EYS: variants seen among roughly 807,000 people sequenced by gnomAD.
EYS encodes the protein protein eyes shut homolog.
In EYS, 250 loss-of-function variants were observed where a neutral mutation model predicts 282.1. The ratio of observed to expected loss-of-function variants is 0.89; its 90% confidence interval spans 0.80 to 0.98. The LOEUF is 0.98. EYS is among the 50% of genes least tolerant of loss of function. EYS has a pLI of 0.00. For synonymous variants in EYS, 1,355 were observed against 1,282.9 expected (o/e 1.06, Z -1.20); for missense variants, 4,016 against 3,709.0 (o/e 1.08, Z -2.15).
At chr6:65,185,587 G>C (rs949945863) in intron 12 of EYS, among the ~76,000 whole-genome samples, 2 of 151,816 alleles carry the variant, frequency 1.3e-5, no homozygotes, top group East Asian at 3.9e-4. Context: ...TTTCTTGGCT[G>C]TTTCCAGCGT....
chr6:65,390,237 C>T (rs191171014), intron 7 of EYS, among the ~76,000 whole-genome samples: 6 of 150,104 alleles, frequency 4.0e-5, no homozygotes, highest in Non-Finnish European at 8.9e-5. Flanking sequence ...AGAGGGATAC[C>T]AAAGTTATCA....
At chr6:64,531,235 C>T (rs1224680524) in intron 26 of EYS, among the ~76,000 whole-genome samples, 1 of 152,068 alleles carries the variant, frequency 6.6e-6, no homozygotes, top group East Asian at 1.9e-4. Flanking sequence ...TTACTCCCTC[C>T]TAAGAATAAC....
chr6:65,550,143 CT>C (rs1048251073), intron 2 of EYS, among the ~76,000 whole-genome samples: 4 of 5,956 alleles, frequency 6.7e-4, no homozygotes, highest in South Asian at 0.01. Context: ...TCTACTATAT[CT>C]TTTTTTTTTT....
At chr6:64,586,671 T>C (rs1245012740) in intron 26 of EYS, among the ~76,000 whole-genome samples, 5 of 152,116 alleles carry the variant, frequency 3.3e-5, no homozygotes, top group African/African-American at 9.6e-5. Flanking sequence ...TAAATTACGT[T>C]ATTAAATATC....
chr6:64,317,266 G>A (rs1770009903), intron 29 of EYS, among the ~76,000 whole-genome samples: 1 of 148,482 alleles, frequency 6.7e-6, no homozygotes, highest in Non-Finnish European at 1.5e-5. Context: ...CAGAATGGGA[G>A]AAAAATTTTT....
intron 30 of EYS, among the ~76,000 whole-genome samples, chr6:64,295,517 G>A (rs1171849583): frequency 2.0e-4 from 5 of 25,310 alleles, no homozygotes; most frequent in East Asian, 1.3e-3. Context: ...GAAGAAAGAA[G>A]AAAGAAGAAA....
At chr6:65,550,143 C>CTTTCTTTTTT (rs1562254227) in intron 2 of EYS, among the ~76,000 whole-genome samples, 8 of 5,954 alleles carry the variant, frequency 1.3e-3, no homozygotes, top group Admixed American at 2.9e-3. Flanking sequence ...TCTACTATAT[C>CTTTCTTTTTT]TTTTTTTTTT....
intron 13 of EYS, among the ~76,000 whole-genome samples, chr6:65,002,882 T>G (rs1771510813): frequency 1.4e-5 from 2 of 144,640 alleles, no homozygotes; most frequent in Non-Finnish European, 3.1e-5. Context: ...TGGACAATTA[T>G]CACTTCCCCA....
intron 12 of EYS, among the ~76,000 whole-genome samples, chr6:65,096,988 T>C (rs577489381): frequency 6.6e-6 from 1 of 150,728 alleles, no homozygotes; most frequent in African/African-American, 2.4e-5. Context: ...CAATAGCAAA[T>C]ATAAAGAATT....
rs1196329827 is a variant in EYS at position 65,001,452 on chromosome 6, A to G, written c.2138-3749T>C. Among the ~76,000 whole-genome samples the G allele has an allele frequency of 1.4e-5, 2 of 147,450 alleles. 1 individual carries two copies. The highest frequency in any genetic ancestry group is 4.2e-4 in the East Asian group (2 of 4,728). The stretch of plus-strand genomic sequence containing the variant: ...CCTCCTCTTCTCTCTTTCTCTGCGG[A>G]AGAGTCCGTTGGTCTGCCTGTCTTA... On this transcript the variant is annotated intron_variant, in intron 13 of 42. Coordinates refer to ENST00000503581, the MANE Select transcript of EYS (RefSeq NM_001142800.2).
chr6:65,509,187 G>C (rs760485259), intron 2 of EYS, among the ~76,000 whole-genome samples: 2 of 152,176 alleles, frequency 1.3e-5, no homozygotes, highest in Non-Finnish European at 2.9e-5. Flanking sequence ...AAAGGAAGCA[G>C]AGCCTCTGCA....
intron 2 of EYS, among the ~76,000 whole-genome samples, chr6:65,505,792 G>A (rs572540335): frequency 1.3e-3 from 193 of 152,128 alleles, no homozygotes; most frequent in South Asian, 2.5e-3. Flanking sequence ...ATGTGCTCAG[G>A]TGTGTTTTAT....
At chr6:64,668,767 G>C (rs1203738087) in intron 22 of EYS, among the ~76,000 whole-genome samples, 2 of 151,150 alleles carry the variant, frequency 1.3e-5, no homozygotes, top group African/African-American at 2.4e-5. Context: ...CGGGGTTTCA[G>C]CATGTTGGCC....
chr6:65,692,975 T>G (rs1769298078), intron 1 of EYS, among the ~76,000 whole-genome samples: 1 of 150,058 alleles, frequency 6.7e-6, no homozygotes, highest in Admixed American at 6.7e-5. Context: ...CTGAGATACC[T>G]AGATGCTCAG....
chr6:64,086,668 C>G (rs1418101055), intron 31 of EYS, among the ~76,000 whole-genome samples: 1 of 152,100 alleles, frequency 6.6e-6, no homozygotes, highest in Non-Finnish European at 1.5e-5. Flanking sequence ...ATTGTATCCG[C>G]AACTTTTTTA....
intron 5 of EYS, among the ~76,000 whole-genome samples, chr6:65,445,530 T>C (rs1181071355): frequency 6.6e-6 from 1 of 151,750 alleles, no homozygotes; most frequent in African/African-American, 2.4e-5. Context: ...GATCTAATGA[T>C]TTCCTCCTTC....
chr6:64,516,436 C>T (rs1856156), intron 26 of EYS, among the ~76,000 whole-genome samples: 45,487 of 151,336 alleles, frequency 0.3, 6,826 homozygotes, highest in East Asian at 0.46. Flanking sequence ...CACCTGTACC[C>T]CTGAACTTAA....
At chr6:63,872,521 C>G (rs1171829381) in intron 35 of EYS, among the ~76,000 whole-genome samples, 1 of 147,508 alleles carries the variant, frequency 6.8e-6, no homozygotes, top group East Asian at 2.0e-4. Flanking sequence ...TCTTGTCACC[C>G]AGGCTGGAGT....
intron 31 of EYS, among the ~76,000 whole-genome samples, chr6:64,111,886 C>T (rs1773217203): frequency 6.6e-6 from 1 of 151,964 alleles, no homozygotes; most frequent in Non-Finnish European, 1.5e-5. Context: ...CAAATACATT[C>T]TCATAGCCAC....
Sources: allele counts gnomAD v4.1 joint callset (sites outside exome capture counted in the v4.1 genomes callset), GRCh38; gene constraint gnomAD v4.1.1; transcripts MANE v1.5; gene names NCBI Gene and HGNC (gene_info 2026-07-23, HGNC 2026-07-21).